The following IL1RAPL2 variants were observed in gnomAD, a reference collection of about 807,000 sequenced individuals.
IL1RAPL2 encodes interleukin 1 receptor accessory protein like 2.
Under a neutral mutation model 44.1 loss-of-function variants are expected in IL1RAPL2, and 3 were observed. That is an observed-to-expected ratio of 0.07 (90% CI 0.03 to 0.18). The LOEUF (loss-of-function observed/expected upper bound fraction) is 0.18. Ranked by LOEUF, IL1RAPL2 falls within the 10% of genes least tolerant of loss-of-function variation. IL1RAPL2 has a pLI of 1.00. For missense variants in IL1RAPL2, 391 were observed against 496.4 expected (o/e 0.79, Z 2.02); for synonymous variants, 181 against 178.8 (o/e 1.01, Z -0.10).
At chrX:104,574,208 T>C (rs1024863196) in intron 1 of IL1RAPL2, among the ~76,000 whole-genome samples, 3 of 111,054 alleles carry the variant, frequency 2.7e-5, no homozygotes, top group South Asian at 3.8e-4. Context: ...ATTAAAAAAC[T>C]AGGAAAAATA....
chrX:104,624,834 T>C (rs953174979), intron 1 of IL1RAPL2, among the ~76,000 whole-genome samples: 1 of 111,706 alleles, frequency 9.0e-6, no homozygotes, highest in African/African-American at 3.2e-5. Flanking sequence ...GTGTACTTTG[T>C]ATTCACTAGA....
intron 2 of IL1RAPL2, among the ~76,000 whole-genome samples, chrX:104,670,256 C>G (rs1445919647): frequency 9.0e-6 from 1 of 111,344 alleles, no homozygotes; most frequent in African/African-American, 3.3e-5. Flanking sequence ...TGGTGTAAGT[C>G]CAAGAGTGCA....
chrX:105,084,641 G>T (rs1174680847), intron 2 of IL1RAPL2, among the ~76,000 whole-genome samples: 1 of 112,492 alleles, frequency 8.9e-6, no homozygotes, highest in Non-Finnish European at 1.9e-5. Flanking sequence ...AGGCAGAGGG[G>T]ACTAGTGTTG....
chrX:104,916,375 G>T (rs944153910), intron 2 of IL1RAPL2, among the ~76,000 whole-genome samples: 4 of 111,506 alleles, frequency 3.6e-5, no homozygotes, highest in Non-Finnish European at 7.5e-5. Context: ...CTGTTTGTCT[G>T]TTATTGGTGT....
chrX:105,238,794 G>A (rs782127083), intron 4 of IL1RAPL2, among the ~76,000 whole-genome samples: 15 of 110,694 alleles, frequency 1.4e-4, no homozygotes, highest in Non-Finnish European at 9.5e-5. Context: ...CTCAGTTACC[G>A]TCATTTTGGG....
At chrX:104,994,049 A>C (rs1459562345) in intron 2 of IL1RAPL2, among the ~76,000 whole-genome samples, 1 of 112,067 alleles carries the variant, frequency 8.9e-6, no homozygotes, top group Non-Finnish European at 1.9e-5. Flanking sequence ...TAATTACCAA[A>C]GAGAAATGAA....
At chrX:105,548,188 T>G (rs1240828960) in intron 6 of IL1RAPL2, among the ~76,000 whole-genome samples, 2 of 111,501 alleles carry the variant, frequency 1.8e-5, no homozygotes, top group Non-Finnish European at 3.8e-5. Flanking sequence ...CTTGCTGTCA[T>G]GAAATTCATA....
intron 2 of IL1RAPL2, among the ~76,000 whole-genome samples, chrX:104,864,621 G>A (rs1249225436): frequency 8.9e-6 from 1 of 111,828 alleles, no homozygotes; most frequent in Non-Finnish European, 1.9e-5. Flanking sequence ...TTACATTTGA[G>A]TTGGTGGACT....
chrX:104,679,030 A>G (rs1325601429), intron 2 of IL1RAPL2, among the ~76,000 whole-genome samples: 2 of 112,049 alleles, frequency 1.8e-5, no homozygotes, highest in Admixed American at 9.4e-5. Flanking sequence ...GAGATGTATA[A>G]AATCTGATTT....
In IL1RAPL2 at chrX:105,734,628, C is replaced by T. The variant is rs189454678; in HGVS notation, c.903-5918C>T. 4.0e-4 allele frequency among the ~76,000 whole-genome samples: 25 copies of T among 62,514 alleles called. No individual in the cohort carries two copies. The Admixed American group carries it at 4.6e-3, about 12-fold the overall frequency. 54.3% of individuals were successfully genotyped at this position (62,514 alleles called of 115,157 possible). A position where few individuals can be genotyped will look rare whatever the true frequency, so the allele number is the denominator to read the frequency against. ...CCCAGGCTGGTCTTGAACTCCTGGC[C>T]TCAAGTGATCCTCTAGCCTTGGCTC... On this transcript the variant is annotated intron_variant, in intron 7 of 10. Coordinates refer to ENST00000372582, the MANE Select transcript of IL1RAPL2 (RefSeq NM_017416.2).
At chrX:105,268,129 G>A (rs986930588) in intron 5 of IL1RAPL2, among the ~76,000 whole-genome samples, 1 of 111,537 alleles carries the variant, frequency 9.0e-6, no homozygotes, top group Non-Finnish European at 1.9e-5. Context: ...GAGAATTTTA[G>A]GAAGTAATTT....
chrX:105,476,828 G>C (rs757388181), intron 5 of IL1RAPL2, among the ~76,000 whole-genome samples: 2 of 111,867 alleles, frequency 1.8e-5, no homozygotes, highest in East Asian at 2.8e-4. Flanking sequence ...AGTAATGCTG[G>C]TTAGAATCTT....
rs925319068 is a variant in IL1RAPL2 at position 105,178,161 on chromosome X, A to G, written c.83-17314A>G. 1.3e-4 allele frequency among the ~76,000 whole-genome samples: 14 copies of G among 111,592 alleles called. No homozygotes were observed. In the Admixed American group the frequency reaches 1.3e-3, roughly 11 times the overall value. ...ACACCCTTCCCCAACTCTGGTAACTATCATTCTACTTGCTACCTCCATCGA... is the reference window on the plus strand; with the variant it reads ...ACACCCTTCCCCAACTCTGGTAACTGTCATTCTACTTGCTACCTCCATCGA... On this transcript the variant is annotated intron_variant, in intron 2 of 10. Coordinates refer to ENST00000372582, the MANE Select transcript of IL1RAPL2 (RefSeq NM_017416.2).
At chrX:105,032,982 G>A (rs1231030838) in intron 2 of IL1RAPL2, among the ~76,000 whole-genome samples, 18 of 111,574 alleles carry the variant, frequency 1.6e-4, no homozygotes, top group African/African-American at 5.2e-4. Flanking sequence ...ATTATGTAAT[G>A]GCCTTCTTTG....
chrX:104,852,405 A>G (rs998005262), intron 2 of IL1RAPL2, among the ~76,000 whole-genome samples: 1 of 111,924 alleles, frequency 8.9e-6, no homozygotes, highest in African/African-American at 3.2e-5. Flanking sequence ...TTGTGTATGT[A>G]AGGTCTTTGT....
chrX:105,549,689 C>T (rs748316836), intron 6 of IL1RAPL2, among the ~76,000 whole-genome samples: 1 of 111,442 alleles, frequency 9.0e-6, no homozygotes, highest in Admixed American at 9.6e-5. Flanking sequence ...AACTTGTTCA[C>T]TCCTGCTCCC....
intron 5 of IL1RAPL2, among the ~76,000 whole-genome samples, chrX:105,394,729 G>A (rs1163161835): frequency 9.0e-6 from 1 of 111,283 alleles, no homozygotes; most frequent in Non-Finnish European, 1.9e-5. Flanking sequence ...CTTTTTCACT[G>A]TGTCCCTAGT....
intron 2 of IL1RAPL2, among the ~76,000 whole-genome samples, chrX:104,810,644 T>C (rs1932969317): frequency 9.0e-6 from 1 of 111,598 alleles, no homozygotes; most frequent in South Asian, 3.8e-4. Context: ...AAACTTGTTG[T>C]AAGCTAAGAT....
intron 5 of IL1RAPL2, among the ~76,000 whole-genome samples, chrX:105,420,287 T>C (rs1411013727): frequency 8.9e-6 from 1 of 112,297 alleles, no homozygotes; most frequent in African/African-American, 3.2e-5. Context: ...TATGCACTTA[T>C]TCAGAACTAC....
Sources: allele counts gnomAD v4.1 joint callset (sites outside exome capture counted in the v4.1 genomes callset), GRCh38; gene constraint gnomAD v4.1.1; transcripts MANE v1.5; gene names NCBI Gene and HGNC (gene_info 2026-07-23, HGNC 2026-07-21).